Variants in ATPSCKMT observed in about 807,000 individuals in gnomAD.
ATPSCKMT encodes the protein ATP synthase c subunit lysine N-methyltransferase.
Under a neutral mutation model 24.3 loss-of-function variants are expected in ATPSCKMT, and 24 were observed. That is an observed-to-expected ratio of 0.99 (90% CI 0.71 to 1.39). The LOEUF (loss-of-function observed/expected upper bound fraction) is 1.39, where lower values mean the gene tolerates loss of function less well. ATPSCKMT is among the 40% of genes most tolerant of loss of function. The pLI, the probability that ATPSCKMT is intolerant of heterozygous loss-of-function variation, is 0.00. For synonymous variants in ATPSCKMT, 95 were observed against 110.5 expected (o/e 0.86, Z 0.88); for missense variants, 311 against 298.4 (o/e 1.04, Z -0.31).
At chr5:10,245,507 A>G (rs1744875870) in intron 1 of ATPSCKMT, among the ~76,000 whole-genome samples, 1 of 152,190 alleles carries the variant, frequency 6.6e-6, no homozygotes, top group Non-Finnish European at 1.5e-5. Context: ...GCACTTTGGG[A>G]GGCTGAGGCG....
intron 1 of ATPSCKMT, among the ~76,000 whole-genome samples, chr5:10,240,278 T>C (rs1399389507): frequency 6.6e-6 from 1 of 151,888 alleles, no homozygotes. Flanking sequence ...ATTTTAGTAC[T>C]ATCATAAACA....
intron 2 of ATPSCKMT, chr5:10,236,932 C>T (rs1744402613): frequency 7.4e-7 from 1 of 1,347,006 alleles, no homozygotes; most frequent in African/African-American, 1.5e-5. Context: ...CAAAACATTG[C>T]TGAAAATCCA....
chr5:10,234,188 C>T (rs575272975), intron 4 of ATPSCKMT, among the ~76,000 whole-genome samples: 41 of 152,118 alleles, frequency 2.7e-4, no homozygotes, highest in Non-Finnish European at 4.6e-4. Flanking sequence ...ATTAGCTGGG[C>T]GTGGTGGCAG....
chr5:10,243,250 C>T (rs944992353), intron 1 of ATPSCKMT, among the ~76,000 whole-genome samples: 25 of 152,200 alleles, frequency 1.6e-4, no homozygotes, highest in Non-Finnish European at 1.0e-4. Flanking sequence ...CTTTGGGAGG[C>T]TGAGGTGGGC....
chr5:10,248,090 A>G (rs1362509646), intron 1 of ATPSCKMT, among the ~76,000 whole-genome samples: 8 of 152,254 alleles, frequency 5.3e-5, no homozygotes. Context: ...ACGTGTTTAA[A>G]GCGGGCTTAT....
intron 4 of ATPSCKMT, among the ~76,000 whole-genome samples, chr5:10,230,691 T>C (rs936096562): frequency 6.6e-6 from 1 of 152,144 alleles, no homozygotes; most frequent in Non-Finnish European, 1.5e-5. Flanking sequence ...TTAAACATAG[T>C]TCTGAAAGGT....
chr5:10,245,237 A>G lies in ATPSCKMT; in HGVS notation c.16+4621T>C, dbSNP rs953414754. On this transcript the variant is annotated intron_variant, in intron 1 of 4. Coordinates refer to ENST00000511437, the MANE Select transcript of ATPSCKMT (RefSeq NM_199133.4). ...AGATTGAGACTATCCTGGCTAACACAGTGAAACCCTGTCTCTACTAAAAAT... is the reference window on the plus strand; with the variant it reads ...AGATTGAGACTATCCTGGCTAACACGGTGAAACCCTGTCTCTACTAAAAAT... Among the ~76,000 whole-genome samples the G allele has an allele frequency of 5.3e-5, 8 of 151,794 alleles. No homozygotes were observed. The East Asian group carries it at 9.7e-4, about 18-fold the overall frequency.
chr5:10,239,066 C>T lies in ATPSCKMT; in HGVS notation c.306+1G>A. ...CCTTAAAATGTTTTAGCAGAACTCA[C>T]AATGCGTCCGTCCCCACTACCGATG... On this transcript the variant is annotated splice_donor_variant, in intron 2 of 4. Transcript: ENST00000511437. LOFTEE classifies it high-confidence loss of function. 6.2e-7 allele frequency: 1 copy of T among 1,611,720 alleles called. No individual in the cohort carries two copies. The highest frequency in any genetic ancestry group is 8.5e-7 in the Non-Finnish European group (1 of 1,178,380).
At chr5:10,230,632 G>A (rs950029797) in intron 4 of ATPSCKMT, among the ~76,000 whole-genome samples, 1 of 152,106 alleles carries the variant, frequency 6.6e-6, no homozygotes, top group African/African-American at 2.4e-5. Flanking sequence ...ACAATTATAG[G>A]TTTCAAAGTG....
chr5:10,246,036 ACCT>A (rs1287111621), intron 1 of ATPSCKMT, among the ~76,000 whole-genome samples: 1 of 152,138 alleles, frequency 6.6e-6, no homozygotes, highest in Non-Finnish European at 1.5e-5. Flanking sequence ...CATTTTTATT[ACCT>A]CAAGAGGAAA....
chr5:10,236,308 A>G (rs1219099059), intron 3 of ATPSCKMT, 170 bp downstream of exon 3: 1 of 766,660 alleles, frequency 1.3e-6, no homozygotes, highest in African/African-American at 1.8e-5. Flanking sequence ...TTCTCTCTAA[A>G]GGAGACTATT....
intron 4 of ATPSCKMT, among the ~76,000 whole-genome samples, chr5:10,232,850 G>C (rs556703342): frequency 1.1e-3 from 169 of 152,374 alleles, no homozygotes; most frequent in Non-Finnish European, 2.0e-3. Context: ...AGAAGTCACA[G>C]AAGGGTTTTA....
intron 4 of ATPSCKMT, among the ~76,000 whole-genome samples, chr5:10,228,577 A>T (rs544009124): frequency 1.4e-3 from 210 of 152,248 alleles, no homozygotes; most frequent in African/African-American, 4.8e-3. Context: ...CCTAAAAATA[A>T]TTTTTTTCTA....
chr5:10,246,348 T>TCG (rs1744926818), intron 1 of ATPSCKMT, among the ~76,000 whole-genome samples: 1 of 151,674 alleles, frequency 6.6e-6, no homozygotes, highest in Non-Finnish European at 1.5e-5. Flanking sequence ...GGCAAGAGAA[T>TCG]CACCTGAACC....
chr5:10,231,665 T>C (rs1744145366), intron 4 of ATPSCKMT, among the ~76,000 whole-genome samples: 1 of 152,076 alleles, frequency 6.6e-6, no homozygotes, highest in Non-Finnish European at 1.5e-5. Flanking sequence ...CACAGCACTT[T>C]TGCTTCTGCT....
intron 1 of ATPSCKMT, among the ~76,000 whole-genome samples, chr5:10,243,739 T>C (rs1744756168): frequency 6.6e-6 from 1 of 152,252 alleles, no homozygotes. Flanking sequence ...AGATTAGGCT[T>C]TGGCTTAAAG....
At chr5:10,229,182 T>C (rs754571901) in intron 4 of ATPSCKMT, among the ~76,000 whole-genome samples, 2 of 152,256 alleles carry the variant, frequency 1.3e-5, no homozygotes, top group Non-Finnish European at 2.9e-5. Flanking sequence ...CCAATAATGT[T>C]CTGTATAACA....
intron 2 of ATPSCKMT, among the ~76,000 whole-genome samples, chr5:10,237,360 T>C (rs1744421847): frequency 6.6e-6 from 1 of 152,252 alleles, no homozygotes; most frequent in African/African-American, 2.4e-5. Context: ...CATTCAAATA[T>C]GAATTTCAAA....
intron 1 of ATPSCKMT, among the ~76,000 whole-genome samples, chr5:10,245,002 C>T (rs2578624): frequency 0.31 from 47,733 of 151,912 alleles, 8,508 homozygotes; most frequent in East Asian, 0.72. Flanking sequence ...TTGTACAGTA[C>T]AGCAGTTAAG....
Sources: allele counts gnomAD v4.1 joint callset (sites outside exome capture counted in the v4.1 genomes callset), GRCh38; gene constraint gnomAD v4.1.1; transcripts MANE v1.5; gene names NCBI Gene and HGNC (gene_info 2026-07-23, HGNC 2026-07-21).